The following DPYD variants were observed in gnomAD, a reference collection of about 807,000 sequenced individuals.
DPYD encodes dihydropyrimidine dehydrogenase.
In DPYD, 109 loss-of-function variants were observed where a neutral mutation model predicts 116.2. The ratio of observed to expected loss-of-function variants is 0.94; its 90% confidence interval spans 0.80 to 1.10. The LOEUF is 1.10. Among genes scored for constraint, DPYD ranks in the 50% least tolerant of loss-of-function variants. The pLI, the probability that DPYD is intolerant of heterozygous loss-of-function variation, is 0.00. For missense variants in DPYD, 1,302 were observed against 1,254.5 expected (o/e 1.04, Z -0.57); for synonymous variants, 440 against 432.0 (o/e 1.02, Z -0.23).
At chr1:97,222,620 A>G (rs1570701995) in intron 19 of DPYD, among the ~76,000 whole-genome samples, 1 of 152,176 alleles carries the variant, frequency 6.6e-6, no homozygotes, top group African/African-American at 2.4e-5. Flanking sequence ...ATTTAAAATA[A>G]TGTGATAACT....
At chr1:97,099,363 A>G (rs1436149560) in intron 20 of DPYD, among the ~76,000 whole-genome samples, 2 of 152,118 alleles carry the variant, frequency 1.3e-5, no homozygotes, top group Non-Finnish European at 1.5e-5. Flanking sequence ...AGGTTATCCA[A>G]TTGTACTTTA....
At chr1:97,831,174 C>A (rs1478056050) in intron 2 of DPYD, among the ~76,000 whole-genome samples, 1 of 152,180 alleles carries the variant, frequency 6.6e-6, no homozygotes, top group Non-Finnish European at 1.5e-5. Context: ...TGTAGAAGCA[C>A]TAAGTAACAG....
intron 7 of DPYD, among the ~76,000 whole-genome samples, chr1:97,689,906 A>T (rs113439885): frequency 6.6e-6 from 1 of 152,130 alleles, no homozygotes; most frequent in African/African-American, 2.4e-5. Context: ...ATTTGAAAAC[A>T]TCATTTCCTT....
chr1:97,283,939 A>G (rs1665493969), intron 18 of DPYD, among the ~76,000 whole-genome samples: 1 of 152,114 alleles, frequency 6.6e-6, no homozygotes, highest in South Asian at 2.1e-4. Flanking sequence ...CATTTATAAA[A>G]TGATTCTTTG....
intron 2 of DPYD, among the ~76,000 whole-genome samples, chr1:97,829,694 C>T (rs1409127996): frequency 6.6e-6 from 1 of 151,646 alleles, no homozygotes; most frequent in African/African-American, 2.4e-5. Flanking sequence ...TCTTTTTGGC[C>T]CTGAAATTCC....
intron 14 of DPYD, among the ~76,000 whole-genome samples, chr1:97,411,752 T>A (rs1311240009): frequency 2.0e-5 from 3 of 152,192 alleles, no homozygotes; most frequent in African/African-American, 7.2e-5. Context: ...CTCAGAAGCA[T>A]GACAAAGTGA....
intron 11 of DPYD, among the ~76,000 whole-genome samples, chr1:97,561,564 G>A (rs919412020): frequency 2.0e-5 from 3 of 152,066 alleles, no homozygotes; most frequent in Admixed American, 6.6e-5. Flanking sequence ...GAATCAAAAA[G>A]GAGAAGCATA....
intron 20 of DPYD, among the ~76,000 whole-genome samples, chr1:97,188,788 A>C (rs1658169664): frequency 2.0e-5 from 3 of 152,180 alleles, no homozygotes; most frequent in African/African-American, 7.2e-5. Context: ...GCACTGGCAC[A>C]CAGTCTGTGT....
chr1:97,219,709 A>G (rs1660657772), intron 19 of DPYD, among the ~76,000 whole-genome samples: 1 of 152,224 alleles, frequency 6.6e-6, no homozygotes, highest in African/African-American at 2.4e-5. Context: ...CAAAGTAGAA[A>G]AGGCCTACTG....
At chr1:97,304,612 A>G (rs923824172) in intron 18 of DPYD, among the ~76,000 whole-genome samples, 6 of 151,938 alleles carry the variant, frequency 3.9e-5, no homozygotes, top group Non-Finnish European at 8.8e-5. Flanking sequence ...CTAATCCCAA[A>G]CCAGTACAGT....
intron 1 of DPYD, among the ~76,000 whole-genome samples, chr1:97,904,578 G>A (rs542577363): frequency 1.2e-4 from 19 of 152,102 alleles, no homozygotes; most frequent in African/African-American, 4.3e-4. Flanking sequence ...AACAGTACCA[G>A]AGGAATTTAT....
intron 8 of DPYD, among the ~76,000 whole-genome samples, chr1:97,671,310 A>G (rs767946971): frequency 3.9e-5 from 6 of 152,130 alleles, no homozygotes; most frequent in Admixed American, 2.6e-4. Flanking sequence ...CATCATCTTC[A>G]TCACAAAACG....
At chr1:97,271,971 T>C (rs1664608357) in intron 18 of DPYD, among the ~76,000 whole-genome samples, 1 of 152,142 alleles carries the variant, frequency 6.6e-6, no homozygotes. Context: ...ATTGCTAGCC[T>C]CTTTCTGAAA....
chr1:97,355,841 G>C (rs1311380273), intron 16 of DPYD, among the ~76,000 whole-genome samples: 1 of 152,056 alleles, frequency 6.6e-6, no homozygotes, highest in Non-Finnish European at 1.5e-5. Context: ...TAGACACTTA[G>C]GTTGATTCCA....
intron 3 of DPYD, among the ~76,000 whole-genome samples, chr1:97,827,415 T>G (rs906862328): frequency 6.6e-6 from 1 of 152,140 alleles, no homozygotes; most frequent in African/African-American, 2.4e-5. Context: ...ACTCTGTGGA[T>G]GATGAGTTTT....
chr1:97,580,055 A>C (rs1267621534), intron 10 of DPYD, among the ~76,000 whole-genome samples: 3 of 152,226 alleles, frequency 2.0e-5, no homozygotes, highest in Non-Finnish European at 4.4e-5. Context: ...ATACTCTAGA[A>C]ATTATGAAAC....
intron 18 of DPYD, among the ~76,000 whole-genome samples, chr1:97,304,627 A>G (rs529966649): frequency 7.9e-5 from 12 of 152,092 alleles, no homozygotes; most frequent in Non-Finnish European, 1.5e-4. Context: ...TACAGTCAAG[A>G]ACCTTACAGC....
chr1:97,880,451 G>A (rs570828927), intron 2 of DPYD, among the ~76,000 whole-genome samples: 10 of 151,558 alleles, frequency 6.6e-5, no homozygotes, highest in Admixed American at 4.6e-4. Flanking sequence ...TAACAAATAC[G>A]TAAGGAGCAG....
chr1:97,398,690 T>C (rs898944270), intron 14 of DPYD, among the ~76,000 whole-genome samples: 26 of 152,256 alleles, frequency 1.7e-4, no homozygotes, highest in Middle Eastern at 3.2e-3. Flanking sequence ...ATTTCTCTGA[T>C]GGCCAGTGAT....
Sources: allele counts gnomAD v4.1 joint callset (sites outside exome capture counted in the v4.1 genomes callset), GRCh38; gene constraint gnomAD v4.1.1; transcripts MANE v1.5; gene names NCBI Gene and HGNC (gene_info 2026-07-23, HGNC 2026-07-21).